The following TMEM164 variants were observed in gnomAD, a reference collection of about 807,000 sequenced individuals.
The protein encoded by TMEM164 is RP13-360B22.2.
Under a neutral mutation model 18.8 loss-of-function variants are expected in TMEM164, and 4 were observed. That is an observed-to-expected ratio of 0.21 (90% CI 0.10 to 0.49). TMEM164 has a LOEUF of 0.49. Among genes scored for constraint, TMEM164 ranks in the 20% least tolerant of loss-of-function variants. The pLI, the probability that TMEM164 is intolerant of heterozygous loss-of-function variation, is 0.98. For synonymous variants in TMEM164, 86 were observed against 101.7 expected, an observed-to-expected ratio of 0.85 and a Z score of 0.93; for missense variants, 108 against 239.9, an observed-to-expected ratio of 0.45 and a Z score of 3.63.
chrX:110,026,281 T>G (rs1057163171), intron 2 of TMEM164, among the ~76,000 whole-genome samples: 5 of 111,927 alleles, frequency 4.5e-5, no homozygotes, highest in Admixed American at 3.8e-4. Context: ...AGTTGTTGAC[T>G]TTTGTTCCTT....
intron 3 of TMEM164, among the ~76,000 whole-genome samples, chrX:110,072,769 T>G (rs963440071): frequency 5.4e-5 from 6 of 111,117 alleles, no homozygotes; most frequent in East Asian, 2.8e-4. Flanking sequence ...CCCTCTTCTG[T>G]TTTTTTCTTA....
At chrX:110,109,607 G>A (rs1459210056) in intron 4 of TMEM164, among the ~76,000 whole-genome samples, 1 of 112,557 alleles carries the variant, frequency 8.9e-6, no homozygotes, top group Non-Finnish European at 1.9e-5. Flanking sequence ...GCTTTCAGGT[G>A]TTCTAAGGGG....
chrX:110,102,829 C>A (rs2066132015), intron 3 of TMEM164, among the ~76,000 whole-genome samples: 1 of 112,079 alleles, frequency 8.9e-6, no homozygotes, highest in African/African-American at 3.2e-5. Flanking sequence ...TTCCAAACCC[C>A]CTTAACCATT....
At chrX:110,031,423 T>C (rs776144093) in intron 2 of TMEM164, among the ~76,000 whole-genome samples, 2 of 111,530 alleles carry the variant, frequency 1.8e-5, no homozygotes, top group Non-Finnish European at 3.8e-5. Flanking sequence ...GTGCTCAAGC[T>C]ATCTACCCAC....
At chrX:110,114,451 A>G (rs753390956) in intron 4 of TMEM164, among the ~76,000 whole-genome samples, 1 of 112,133 alleles carries the variant, frequency 8.9e-6, no homozygotes, top group South Asian at 3.7e-4. Flanking sequence ...GACTTTGCAA[A>G]GAATATCATC....
At position 110,141,200 on chromosome X, in the gene TMEM164, C is replaced by T. The variant is rs762439051; in HGVS notation, c.508-3598C>T. Among the ~76,000 whole-genome samples, 361 of 112,014 alleles carry T rather than the reference C, an allele frequency of 3.2e-3. 6 individuals are homozygous for T. Among genetic ancestry groups the T allele is most frequent in the African/African-American group, 0.011 (350 of 30,842 alleles). ...TTTCCTCCATTATTGATTGCCCTTT[C>T]CCCCTGTCCCTGTGCCTATTGCTGT... On this transcript the variant is annotated intron_variant, in intron 4 of 6. Transcript: ENST00000372068.
intron 2 of TMEM164, among the ~76,000 whole-genome samples, chrX:110,047,474 C>T (rs1358227582): frequency 8.9e-6 from 1 of 112,035 alleles, no homozygotes; most frequent in Admixed American, 9.5e-5. Context: ...AATAGCTAGT[C>T]ATCCCCAACA....
chrX:110,065,167 G>C (rs1356897326), intron 2 of TMEM164: 1 of 111,357 alleles, frequency 9.0e-6, no homozygotes, highest in Non-Finnish European at 1.9e-5. Flanking sequence ...AGTTTTCTGG[G>C]CTTCTAGCCT....
At chrX:110,085,635 G>C (rs1019089720) in intron 3 of TMEM164, among the ~76,000 whole-genome samples, 1 of 111,086 alleles carries the variant, frequency 9.0e-6, no homozygotes, top group African/African-American at 3.3e-5. Context: ...CTTTTAACCT[G>C]TTTCACAGTG....
intron 4 of TMEM164, among the ~76,000 whole-genome samples, chrX:110,130,965 T>G (rs756962056): frequency 1.8e-5 from 2 of 111,447 alleles, no homozygotes; most frequent in South Asian, 3.7e-4. Flanking sequence ...GTGACCAGAG[T>G]GTACTCATGT....
chrX:110,124,834 C>G (rs1385799460), intron 4 of TMEM164, among the ~76,000 whole-genome samples: 1 of 111,934 alleles, frequency 8.9e-6, no homozygotes, highest in South Asian at 3.7e-4. Context: ...ATTCCACCCC[C>G]AACACAAACA....
At chrX:110,102,438 A>G in intron 3 of TMEM164, among the ~76,000 whole-genome samples, 1 of 112,113 alleles carries the variant, frequency 8.9e-6, no homozygotes, top group East Asian at 2.8e-4. Flanking sequence ...ATTCCTATCT[A>G]TGAATTTGCC....
rs2067300018 is a variant in TMEM164, at chrX:110,177,239, A to G, written c.*3788A>G. ...AAACTCTTGCTTTCTTTTGGTGTCCATTTTGTGTTCTATTTTAAAGAATCT... is the reference window on the plus strand; with the variant it reads ...AAACTCTTGCTTTCTTTTGGTGTCCGTTTTGTGTTCTATTTTAAAGAATCT... On this transcript the variant is annotated 3_prime_UTR_variant, in exon 7 of 7. Coordinates refer to ENST00000372068, the MANE Select transcript of TMEM164 (RefSeq NM_032227.4). The G allele has an allele frequency of 8.9e-6, 1 of 112,792 alleles. No individual in the cohort carries two copies. The highest frequency in any genetic ancestry group is 1.9e-5 in the Non-Finnish European group (1 of 53,331). The allele number at this position is 112,792 out of a possible 1,213,427, so 9.3% of individuals were successfully genotyped here.
intron 4 of TMEM164, among the ~76,000 whole-genome samples, chrX:110,133,104 G>T (rs191056639): frequency 1.8e-5 from 2 of 111,827 alleles, no homozygotes; most frequent in African/African-American, 6.5e-5. Context: ...CAATGTCTTT[G>T]TAGGGTTTTT....
intron 2 of TMEM164, among the ~76,000 whole-genome samples, chrX:110,034,552 A>G: frequency 8.9e-6 from 1 of 112,178 alleles, no homozygotes. Context: ...GTGTTCTACT[A>G]AAACTATATA....
chrX:110,160,363 C>T (rs1162377480), intron 5 of TMEM164, among the ~76,000 whole-genome samples: 4 of 111,988 alleles, frequency 3.6e-5, no homozygotes, highest in African/African-American at 1.3e-4. Flanking sequence ...TCAGTAGTAG[C>T]GGCCATCTCA....
intron 2 of TMEM164, among the ~76,000 whole-genome samples, chrX:110,019,328 C>T (rs1307071506): frequency 9.0e-6 from 1 of 111,087 alleles, no homozygotes; most frequent in African/African-American, 3.3e-5. Flanking sequence ...CATCTTGATT[C>T]TGCCTTTCAT....
intron 2 of TMEM164, among the ~76,000 whole-genome samples, chrX:110,007,099 G>T (rs1175966502): frequency 8.9e-6 from 1 of 112,085 alleles, no homozygotes; most frequent in Non-Finnish European, 1.9e-5. Flanking sequence ...GTTAGTCTCC[G>T]CATCTCTCAT....
intron 3 of TMEM164, among the ~76,000 whole-genome samples, chrX:110,105,749 A>AAGAGAGAGAGAG (rs1569331132): frequency 5.6e-5 from 3 of 53,926 alleles, no homozygotes; most frequent in Admixed American, 2.4e-4. Context: ...GAGAGAGAGA[A>AAGAGAGAGAGAG]TGAGAGAGAG....
Sources: gnomAD v4.1 joint callset for allele counts (sites outside exome capture counted in the v4.1 genomes callset) on GRCh38, gnomAD v4.1.1 for gene constraint, MANE v1.5 for transcripts, NCBI Gene and HGNC (gene_info 2026-07-23, HGNC 2026-07-21) for gene names.